ANO3: variants seen among roughly 807,000 people sequenced by gnomAD.
The protein encoded by ANO3 is anoctamin-3.
In ANO3, 99 loss-of-function variants were observed where a neutral mutation model predicts 144.8. That is an observed-to-expected ratio of 0.68 (90% CI 0.58 to 0.81). The LOEUF (loss-of-function observed/expected upper bound fraction) is 0.81, where lower values mean the gene tolerates loss of function less well. Ranked by LOEUF, ANO3 falls within the 30% of genes least tolerant of loss-of-function variation. The pLI is 0.00. For synonymous variants in ANO3, 414 were observed against 392.6 expected (o/e 1.05, Z -0.64); for missense variants, 905 against 1,202.2 (o/e 0.75, Z 3.66).
intron 1 of ANO3, among the ~76,000 whole-genome samples, chr11:26,312,630 G>C (rs1854527116): frequency 6.6e-6 from 1 of 152,190 alleles, no homozygotes. Flanking sequence ...TCTGTTGGCT[G>C]CATAAATGTC....
chr11:26,365,576 C>T (rs1324725159), intron 1 of ANO3, among the ~76,000 whole-genome samples: 1 of 152,338 alleles, frequency 6.6e-6, no homozygotes, highest in East Asian at 1.9e-4. Context: ...CACTCTTATA[C>T]TCTGCATGCC....
chr11:26,533,881 C>G (rs1238511592), intron 8 of ANO3, among the ~76,000 whole-genome samples: 2 of 152,186 alleles, frequency 1.3e-5, no homozygotes, highest in East Asian at 1.9e-4. Context: ...AGAAGTTGAG[C>G]AAGACCCAGG....
chr11:26,648,029 T>C (rs986665949), intron 24 of ANO3, among the ~76,000 whole-genome samples, 173 bp downstream of exon 24: 39 of 152,294 alleles, frequency 2.6e-4, no homozygotes, highest in African/African-American at 8.9e-4. Flanking sequence ...AGTGTTATTA[T>C]AGCAAATAAT....
chr11:26,351,602 A>G (rs1053660669), intron 1 of ANO3, among the ~76,000 whole-genome samples: 3 of 152,190 alleles, frequency 2.0e-5, no homozygotes, highest in African/African-American at 7.2e-5. Context: ...TATAGACAGA[A>G]AAAGGAAAAT....
At chr11:26,522,802 A>G (rs1862135056) in intron 6 of ANO3, among the ~76,000 whole-genome samples, 1 of 152,230 alleles carries the variant, frequency 6.6e-6, no homozygotes, top group Non-Finnish European at 1.5e-5. Context: ...TTGAATAAAT[A>G]TTAAACTAGA....
At chr11:26,532,894 A>G (rs1418371587) in intron 8 of ANO3, among the ~76,000 whole-genome samples, 1 of 152,106 alleles carries the variant, frequency 6.6e-6, no homozygotes, top group South Asian at 2.1e-4. Context: ...TTTACTTTTT[A>G]CTTATGCATC....
At chr11:26,599,788 A>G in intron 17 of ANO3, 74 bp downstream of exon 17, 1 of 1,366,356 alleles carries the variant, frequency 7.3e-7, no homozygotes, top group Non-Finnish European at 9.9e-7. Context: ...TTTCCTTTAT[A>G]TTTGAAATGT....
chr11:26,239,401 T>C (rs899218482), intron 1 of ANO3, among the ~76,000 whole-genome samples: 5 of 152,162 alleles, frequency 3.3e-5, no homozygotes, highest in Admixed American at 6.5e-5. Context: ...TGGTTCAAAG[T>C]TCTCTACTAT....
At chr11:26,222,828 G>T (rs1166277885) in intron 1 of ANO3, among the ~76,000 whole-genome samples, 1 of 152,184 alleles carries the variant, frequency 6.6e-6, no homozygotes, top group Non-Finnish European at 1.5e-5. Context: ...TCTCAGGGTG[G>T]TGTAGGGCAG....
At chr11:26,364,640 T>A (rs1339997667) in intron 1 of ANO3, among the ~76,000 whole-genome samples, 1 of 151,860 alleles carries the variant, frequency 6.6e-6, no homozygotes, top group East Asian at 1.9e-4. Flanking sequence ...AGAGTGGGGG[T>A]GGAGGTGCCA....
At chr11:26,561,443 G>C (rs148474218) in intron 14 of ANO3, among the ~76,000 whole-genome samples, 12 of 151,838 alleles carry the variant, frequency 7.9e-5, no homozygotes, top group African/African-American at 2.9e-4. Context: ...AAATTTTACT[G>C]TTGATGGACT....
chr11:26,351,739 A>G (rs1246164183), intron 1 of ANO3, among the ~76,000 whole-genome samples: 1 of 152,218 alleles, frequency 6.6e-6, no homozygotes, highest in African/African-American at 2.4e-5. Context: ...GATTGGTAAA[A>G]GAGTAGTTTA....
upstream of ANO3, chr11:26,331,355 T>C (rs569814560): frequency 2.0e-5 from 3 of 152,304 alleles, no homozygotes; most frequent in South Asian, 6.2e-4. Flanking sequence ...TATAAATAAA[T>C]AATAAAATAA....
Position 26,455,915 on chromosome 11 carries a change from T to C in ANO3, c.314-7115T>C, listed in dbSNP as rs1161617162. 2.0e-5 allele frequency among the ~76,000 whole-genome samples: 3 copies of C among 151,640 alleles called. No individual in the cohort carries two copies. The East Asian group carries it at 5.8e-4, about 29-fold the overall frequency. On this transcript the variant is annotated intron_variant, in intron 3 of 26. Transcript: ENST00000256737. ...AACAGAACAGAGCCCTCAGAAATAA[T>C]GCCATATATCTACAACTATCTGATC...
chr11:26,259,304 G>A (rs1398343337), intron 1 of ANO3, among the ~76,000 whole-genome samples: 1 of 152,092 alleles, frequency 6.6e-6, no homozygotes, highest in Non-Finnish European at 1.5e-5. Context: ...TCTCTCGTTT[G>A]TAAGTATATG....
chr11:26,308,419 T>C (rs535703214), upstream of ANO3, among the ~76,000 whole-genome samples: 8 of 152,326 alleles, frequency 5.3e-5, no homozygotes, highest in African/African-American at 1.9e-4. Context: ...TAAAATACAC[T>C]CTACTATTAT....
intron 4 of ANO3, among the ~76,000 whole-genome samples, chr11:26,467,995 C>T (rs1859659459): frequency 6.6e-6 from 1 of 151,778 alleles, no homozygotes; most frequent in Non-Finnish European, 1.5e-5. Context: ...TTTCTTGTTT[C>T]ATGAATATGG....
intron 4 of ANO3, among the ~76,000 whole-genome samples, chr11:26,483,919 T>A (rs1313341319): frequency 6.6e-6 from 1 of 152,080 alleles, no homozygotes; most frequent in Non-Finnish European, 1.5e-5. Context: ...GCTGAGGAGG[T>A]CTCAGATGGA....
At position 26,584,150 on chromosome 11, in the gene ANO3, TG is replaced by T. The variant is rs1240597647; in HGVS notation, c.1448-14214del. Among the ~76,000 whole-genome samples the T allele has an allele frequency of 2.6e-4, 13 of 50,340 alleles. No homozygotes were observed. The East Asian group carries it at 4.5e-3, about 17-fold the overall frequency. The allele number at this position is 50,340 out of a possible 152,430, so 33.0% of individuals were successfully genotyped here. A position where few individuals can be genotyped will look rare whatever the true frequency, so the allele number is the denominator to read the frequency against. ...CTGGTGAGATTCTGTCTTGTTTTTTTGTTTGTTTGTTTGTTTGTTTGTTTGT... is the reference window on the plus strand; with the variant it reads ...CTGGTGAGATTCTGTCTTGTTTTTTTTTTGTTTGTTTGTTTGTTTGTTTGT... On this transcript the variant is annotated intron_variant, in intron 14 of 26. Coordinates refer to ENST00000256737, the MANE Select transcript of ANO3 (RefSeq NM_031418.4).
Sources: allele counts gnomAD v4.1 joint callset (sites outside exome capture counted in the v4.1 genomes callset), GRCh38; gene constraint gnomAD v4.1.1; transcripts MANE v1.5; gene names NCBI Gene and HGNC (gene_info 2026-07-23, HGNC 2026-07-21).